DNM1: variants seen among roughly 807,000 people sequenced by gnomAD.
DNM1 encodes dynamin 1, also known as dynamin-1.
DNM1 carries 29 observed loss-of-function variants against 104.6 expected under a neutral mutation model. The observed-to-expected ratio is 0.28, with a 90% CI of 0.21 to 0.38. The LOEUF is 0.38. DNM1 is among the 10% of genes least tolerant of loss of function. The pLI, the probability that DNM1 is intolerant of heterozygous loss-of-function variation, is 1.00. For synonymous variants in DNM1, 445 were observed against 475.8 expected (o/e 0.94, Z 0.84); for missense variants, 640 against 1,189.4 (o/e 0.54, Z 6.79).
intron 10 of DNM1, among the ~76,000 whole-genome samples, chr9:128,228,438 A>G (rs1473463191): frequency 6.6e-6 from 1 of 152,006 alleles, no homozygotes; most frequent in Non-Finnish European, 1.5e-5. Context: ...GCCTCCCAAA[A>G]TGCTGGGTTT....
At chr9:128,221,591 C>T (rs1053826972) in intron 6 of DNM1, among the ~76,000 whole-genome samples, 5 of 152,254 alleles carry the variant, frequency 3.3e-5, no homozygotes, top group African/African-American at 4.8e-5. Context: ...CTGCCTCAGA[C>T]GCACGTCTAA....
Position 128,253,230 on chromosome 9 carries a change from A to C in DNM1, c.2535-1424A>C. 5 of 1,234,854 alleles carry C rather than the reference A, an allele frequency of 4.0e-6. No homozygotes were observed. Among genetic ancestry groups the C allele is most frequent in the Middle Eastern group, 2.7e-4 (1 of 3,768 alleles). The allele number at this position is 1,234,854 out of a possible 1,614,324, so 76.5% of individuals were successfully genotyped here. On this transcript the variant is annotated intron_variant, in intron 21 of 21. Coordinates refer to ENST00000372923, the MANE Select transcript of DNM1 (RefSeq NM_004408.4). The surrounding 1 kb of genome is among the most constrained non-coding windows in gnomAD (Gnocchi z 5.9). Reference sequence around the variant, plus strand: ...GGCGCGCACCTGGGACCTCAGAGCCAGGCTCCCCGCCCCTCCCTTCTGCAG... The same window carrying C: ...GGCGCGCACCTGGGACCTCAGAGCCCGGCTCCCCGCCCCTCCCTTCTGCAG...
chr9:128,222,645 C>G lies in DNM1; in HGVS notation c.1128+49C>G. The stretch of plus-strand genomic sequence containing the variant: ...AGGATGGCTCAGGACTCCCCCCACC[C>G]TCACTCAGGACTCTCTCTGCGTGTG... On this transcript the variant is annotated intron_variant, in intron 8 of 21. Coordinates refer to ENST00000372923, the MANE Select transcript of DNM1 (RefSeq NM_004408.4). The surrounding 1 kb of genome is among the most constrained non-coding windows in gnomAD (Gnocchi z 7.8). The G allele has an allele frequency of 6.2e-7, 1 of 1,610,352 alleles. No individual in the cohort carries two copies. Among genetic ancestry groups the G allele is most frequent in the Non-Finnish European group, 8.5e-7 (1 of 1,177,404 alleles).
At position 128,220,024 on chromosome 9, in the gene DNM1, T is replaced by C. The variant is rs1435742872; in HGVS notation, c.626T>C (p.Leu209Pro). ...ATCGGGGTCATCACCAAGCTGGACC[T>C]GATGGACGAGGGCACAGATGCCCGT... ...RTIGVITKLD[L>P]MDEGTDARDV... Residue 209 changes from leucine to proline, a missense_variant, in exon 5 of 22, where the codon CTG becomes CCG. Physicochemically the swap from Leu to Pro is moderately conservative, Grantham distance 98 (BLOSUM62 -3). This residue lies in a region of DNM1 where 172 missense variants were observed against 335.3 expected (regional missense o/e 0.51). Coordinates refer to ENST00000372923, the MANE Select transcript of DNM1 (RefSeq NM_004408.4). This position sits in a 1 kb window ranked among gnomAD's most constrained non-coding sequence, Gnocchi z 5.2. The C allele has an allele frequency of 6.2e-7, 1 of 1,602,136 alleles. No homozygotes were observed. Among genetic ancestry groups the C allele is most frequent in the Admixed American group, 1.7e-5 (1 of 57,848 alleles).
intron 1 of DNM1, among the ~76,000 whole-genome samples, chr9:128,206,167 CT>C (rs1302643753): frequency 6.6e-6 from 1 of 152,102 alleles, no homozygotes; most frequent in Non-Finnish European, 1.5e-5. Flanking sequence ...GCCATTCTGT[CT>C]CCTGGGGCTT....
At chr9:128,209,006 G>A (rs1361197524) in intron 1 of DNM1, among the ~76,000 whole-genome samples, 1 of 152,204 alleles carries the variant, frequency 6.6e-6, no homozygotes, top group African/African-American at 2.4e-5. Context: ...TGAGTGAGGA[G>A]CAGAGGCCAG....
At chr9:128,212,053 G>T (rs1234737656) in intron 1 of DNM1, among the ~76,000 whole-genome samples, 2 of 152,202 alleles carry the variant, frequency 1.3e-5, no homozygotes, top group Non-Finnish European at 2.9e-5. Flanking sequence ...CCCCCAACCT[G>T]GGTCCCCATT....
intron 4 of DNM1, among the ~76,000 whole-genome samples, 157 bp from the exon 5 acceptor site, chr9:128,219,831 C>A (rs1834835845): frequency 6.6e-6 from 1 of 151,926 alleles, no homozygotes; most frequent in Non-Finnish European, 1.5e-5. Context: ...AAATAAAAAT[C>A]ATTTTGGCTA....
chr9:128,252,620 A>T, intron 21 of DNM1: 1 of 402,032 alleles, frequency 2.5e-6, no homozygotes, highest in South Asian at 1.8e-5. Context: ...TCAAAGTCTG[A>T]AAAGTTTGAC....
At chr9:128,211,403 T>C (rs1298674974) in intron 1 of DNM1, among the ~76,000 whole-genome samples, 1 of 150,862 alleles carries the variant, frequency 6.6e-6, no homozygotes, top group Non-Finnish European at 1.5e-5. Context: ...GTGGGAAAAA[T>C]AGGGCCGTGC....
At position 128,254,659 on chromosome 9, in the gene DNM1, C is replaced by T. The variant is rs199498658; in HGVS notation, c.2540C>T (p.Ser847Leu). 421 of 1,596,020 alleles carry T rather than the reference C, an allele frequency of 2.6e-4. 3 individuals carry two copies. The highest frequency in any genetic ancestry group is 4.5e-5 in the East Asian group (2 of 44,864). The change falls in exon 22 of 22, where the codon TCG becomes TTG. Residue 847 changes from serine to leucine, a missense_variant. Ser to Leu is a moderately radical substitution (Grantham distance 145, BLOSUM62 -2). Coordinates refer to ENST00000372923, the MANE Select transcript of DNM1 (RefSeq NM_004408.4). This position sits in a 1 kb window ranked among gnomAD's most constrained non-coding sequence, Gnocchi z 6.1. ...NRAPPGVPSR[S>L]GQASPSRPES... ...GCTTTCTCTCCAACTGCCAGCCGAT[C>T]GGGTCAGGCAAGTCCATCCCGTCCT...
intron 10 of DNM1, among the ~76,000 whole-genome samples, chr9:128,228,554 T>C (rs1344188490): frequency 6.6e-6 from 1 of 152,246 alleles, no homozygotes; most frequent in African/African-American, 2.4e-5. Context: ...AGAGTCAAAG[T>C]GTTTCATGGT....
rs760073721 is a variant in DNM1, at chr9:128,253,132, GC to G, written c.2535-1520del. The G allele has an allele frequency of 6.2e-6, 10 of 1,606,460 alleles. No homozygotes were observed. In the East Asian group the frequency reaches 2.2e-4, roughly 36 times the overall value. ...TATCAGTGACCCCTGAGGAGCGTCA[GC>G]CATGGTAGGTACATGCCTCACCGCC... On this transcript the variant is annotated intron_variant, in intron 21 of 21. Coordinates refer to ENST00000372923, the MANE Select transcript of DNM1 (RefSeq NM_004408.4). This position sits in a 1 kb window ranked among gnomAD's most constrained non-coding sequence, Gnocchi z 5.9.
rs1829763829 is a variant in DNM1, at chr9:128,255,014, T to C, written c.*300T>C. Reference sequence around the variant, plus strand: ...CAGTCACTGTGCTATCCTTGTGGAGTCTTGTGGCCCAACTACCAGAGAACG... The same window carrying C: ...CAGTCACTGTGCTATCCTTGTGGAGCCTTGTGGCCCAACTACCAGAGAACG... On this transcript the variant is annotated 3_prime_UTR_variant, in exon 22 of 22. Coordinates refer to ENST00000372923, the MANE Select transcript of DNM1 (RefSeq NM_004408.4). 3.9e-6 allele frequency: 1 copy of C among 258,156 alleles called. No individual in the cohort carries two copies. Among genetic ancestry groups the C allele is most frequent in the South Asian group, 6.3e-5 (1 of 15,930 alleles). 16.0% of individuals were successfully genotyped at this position (258,156 alleles called of 1,614,324 possible). A position where few individuals can be genotyped will look rare whatever the true frequency, so the allele number is the denominator to read the frequency against.
Position 128,203,419 on chromosome 9 carries a change from G to A in DNM1, c.-52G>A. On this transcript the variant is annotated 5_prime_UTR_variant, in exon 1 of 22. Transcript: ENST00000372923. The surrounding 1 kb of genome is among the most constrained non-coding windows in gnomAD (Gnocchi z 5.3). ...CTGCAGCGGCGGAGCCGGAGTCGGA[G>A]CCGGGAGCGCTAGCGGCAGCCGGAT... 1 of 1,394,796 alleles carries A rather than the reference G, an allele frequency of 7.2e-7. No individual in the cohort carries two copies. Among genetic ancestry groups the A allele is most frequent in the Middle Eastern group, 2.4e-4 (1 of 4,184 alleles). The allele number at this position is 1,394,796 out of a possible 1,614,324, so 86.4% of individuals were successfully genotyped here.
chr9:128,236,909 G>A (rs1344311841), intron 11 of DNM1, among the ~76,000 whole-genome samples: 1 of 152,164 alleles, frequency 6.6e-6, no homozygotes, highest in African/African-American at 2.4e-5. Context: ...ATTTTCTTAT[G>A]CGTGTGCACT....
chr9:128,226,342 C>T (rs1835342124), intron 10 of DNM1, among the ~76,000 whole-genome samples: 1 of 152,208 alleles, frequency 6.6e-6, no homozygotes, highest in Non-Finnish European at 1.5e-5. Flanking sequence ...ATGACCCCTC[C>T]AGGCCCCCAT....
intron 1 of DNM1, among the ~76,000 whole-genome samples, chr9:128,212,668 A>G (rs1834370898): frequency 6.6e-6 from 1 of 152,220 alleles, no homozygotes; most frequent in Non-Finnish European, 1.5e-5. Flanking sequence ...CACCTTTCTG[A>G]GTCTCAGTTT....
intron 1 of DNM1, among the ~76,000 whole-genome samples, chr9:128,213,658 T>G (rs1056478162): frequency 6.6e-6 from 1 of 152,174 alleles, no homozygotes; most frequent in Non-Finnish European, 1.5e-5. Flanking sequence ...TGGGCAAGAC[T>G]CTTCCCTTTT....
Sources: allele counts gnomAD v4.1 joint callset (sites outside exome capture counted in the v4.1 genomes callset), GRCh38; gene constraint gnomAD v4.1.1; regional missense constraint gnomAD v4.1.1; non-coding constraint Gnocchi (gnomAD v3.1); transcripts MANE v1.5; gene names NCBI Gene and HGNC (gene_info 2026-07-23, HGNC 2026-07-21).